The following SBF2 variants were observed in gnomAD, a reference collection of about 807,000 sequenced individuals.
SBF2 encodes the protein myotubularin-related protein 13.
In SBF2, 112 loss-of-function variants were observed where a neutral mutation model predicts 225.2. The observed-to-expected ratio is 0.50, with a 90% CI of 0.43 to 0.58. SBF2 has a LOEUF of 0.58. Ranked by LOEUF, SBF2 falls within the 20% of genes least tolerant of loss-of-function variation. The pLI, the probability that SBF2 is intolerant of heterozygous loss-of-function variation, is 0.00. For missense variants in SBF2, 1,996 were observed against 2,206.2 expected (o/e 0.90, Z 1.91); for synonymous variants, 763 against 773.3 (o/e 0.99, Z 0.22).
chr11:9,976,624 A>C (rs1946694492), intron 13 of SBF2, among the ~76,000 whole-genome samples: 1 of 152,168 alleles, frequency 6.6e-6, no homozygotes, highest in Admixed American at 6.5e-5. Context: ...AAAAAGCAAA[A>C]AACAATAAAA....
At chr11:9,845,259 T>C (rs1377308512) in intron 24 of SBF2, among the ~76,000 whole-genome samples, 1 of 152,122 alleles carries the variant, frequency 6.6e-6, no homozygotes, top group African/African-American at 2.4e-5. Context: ...GCTGAAGGGA[T>C]TGGTCAAAAG....
intron 1 of SBF2, among the ~76,000 whole-genome samples, chr11:10,255,544 G>A (rs912565481): frequency 9.2e-5 from 14 of 152,130 alleles, no homozygotes; most frequent in East Asian, 7.7e-4. Flanking sequence ...CCAGATATTC[G>A]TTTTACATAA....
At chr11:10,146,925 A>G (rs1250739961) in intron 2 of SBF2, among the ~76,000 whole-genome samples, 2 of 152,170 alleles carry the variant, frequency 1.3e-5, no homozygotes, top group Non-Finnish European at 2.9e-5. Context: ...ATTTTTCAAA[A>G]GAAGACATGC....
intron 2 of SBF2, among the ~76,000 whole-genome samples, chr11:10,178,509 C>T (rs1956573185): frequency 6.7e-6 from 1 of 149,640 alleles, no homozygotes. Flanking sequence ...AAAAAACAAA[C>T]AATCCCATCA....
At chr11:10,104,913 A>T (rs1196166199) in intron 2 of SBF2, among the ~76,000 whole-genome samples, 2 of 152,232 alleles carry the variant, frequency 1.3e-5, no homozygotes, top group Non-Finnish European at 2.9e-5. Flanking sequence ...TGAGTATTAA[A>T]CAAGCCTTGC....
chr11:9,863,511 A>C (rs1035606198), intron 17 of SBF2, among the ~76,000 whole-genome samples: 1 of 152,206 alleles, frequency 6.6e-6, no homozygotes, highest in African/African-American at 2.4e-5. Context: ...AGTGTACCTA[A>C]CTAACTGCAC....
rs1266789719 is a variant in SBF2 at position 9,812,575 on chromosome 11, A to C, written c.4112T>G (p.Val1371Gly). 1 of 1,614,244 alleles carries C rather than the reference A, an allele frequency of 6.2e-7. No homozygotes were observed. The part of the protein sequence containing the change: ...IPSTIPTDSE[V>G]TFLKALGDSE... ...ATCTCCCAGCGCTTTCAGGAAGGTC[A>C]CTTCTGAGTCAGTAGGGATGGTGCT... Residue 1371 changes from valine (V) to glycine (G), a missense_variant, in exon 30 of 40, where the codon GTG becomes GGG. Physicochemically the swap from Val to Gly is moderately radical, Grantham distance 109. Coordinates refer to ENST00000256190, the MANE Select transcript of SBF2 (RefSeq NM_030962.4).
At chr11:9,982,616 A>T (rs1947006946) in intron 13 of SBF2, among the ~76,000 whole-genome samples, 1 of 152,222 alleles carries the variant, frequency 6.6e-6, no homozygotes, top group Non-Finnish European at 1.5e-5. Flanking sequence ...CTCCAGACAG[A>T]GAAGCATGTG....
intron 2 of SBF2, among the ~76,000 whole-genome samples, chr11:10,192,948 G>A (rs896557196): frequency 6.6e-6 from 1 of 152,098 alleles, no homozygotes; most frequent in Non-Finnish European, 1.5e-5. Context: ...CACCTTTCTA[G>A]TCCCTCAGTT....
intron 16 of SBF2, among the ~76,000 whole-genome samples, chr11:9,905,336 T>G (rs542569863): frequency 1.3e-5 from 2 of 152,264 alleles, no homozygotes; most frequent in Non-Finnish European, 2.9e-5. Flanking sequence ...ATGAGTGATA[T>G]GCCTTTTTGA....
At chr11:10,293,953 G>C in intron 1 of SBF2, 62 bp downstream of exon 1, 2 of 1,085,712 alleles carry the variant, frequency 1.8e-6, no homozygotes, top group Non-Finnish European at 2.3e-6. Flanking sequence ...GCCCCGCGGA[G>C]CCCACTGGAC....
intron 16 of SBF2, among the ~76,000 whole-genome samples, chr11:9,914,783 T>C (rs919422448): frequency 6.6e-6 from 1 of 151,702 alleles, no homozygotes; most frequent in Non-Finnish European, 1.5e-5. Flanking sequence ...ATTGGCAAAA[T>C]ATAAATCTGT....
At chr11:9,949,028 C>G (rs1865711765) in intron 16 of SBF2, among the ~76,000 whole-genome samples, 1 of 151,916 alleles carries the variant, frequency 6.6e-6, no homozygotes, top group Non-Finnish European at 1.5e-5. Flanking sequence ...CTCCCTGAGC[C>G]TGTTTAATGG....
chr11:9,809,064 G>T, intron 30 of SBF2, 62 bp from the exon 31 acceptor site: 1 of 1,287,098 alleles, frequency 7.8e-7, no homozygotes, highest in Non-Finnish European at 1.1e-6. Context: ...AAGTCAGAGA[G>T]AGTTGCTTTC....
At chr11:10,167,751 C>A (rs1432828624) in intron 2 of SBF2, among the ~76,000 whole-genome samples, 4 of 152,232 alleles carry the variant, frequency 2.6e-5, no homozygotes, top group Non-Finnish European at 2.9e-5. Flanking sequence ...AGCACGGTGG[C>A]TCATGCCTGT....
intron 14 of SBF2, among the ~76,000 whole-genome samples, chr11:9,964,944 C>A (rs1241332382): frequency 6.6e-6 from 1 of 152,038 alleles, no homozygotes; most frequent in Admixed American, 6.6e-5. Context: ...GTGGTGAAGT[C>A]TGGGCTTTTA....
chr11:9,976,904 G>T (rs1171757035), intron 13 of SBF2, among the ~76,000 whole-genome samples: 1 of 151,818 alleles, frequency 6.6e-6, no homozygotes, highest in East Asian at 2.0e-4. Flanking sequence ...CGAGTAGCTG[G>T]GACTACACGC....
At chr11:10,214,655 C>G (rs998124516) in intron 1 of SBF2, among the ~76,000 whole-genome samples, 3 of 151,968 alleles carry the variant, frequency 2.0e-5, no homozygotes, top group African/African-American at 7.3e-5. Context: ...CAAAAACAGC[C>G]AGTCCTCTCA....
Position 10,290,602 on chromosome 11 carries a change from T to G in SBF2, c.55+3413A>C, listed in dbSNP as rs544752135. On this transcript the variant is annotated intron_variant, in intron 1 of 39. Coordinates refer to ENST00000256190, the MANE Select transcript of SBF2 (RefSeq NM_030962.4). ...CAGCAGGGAGAGGAGTAGATGGTAGTGAAGATGGGAGACTGAACAATAAGT... is the reference window on the plus strand; with the variant it reads ...CAGCAGGGAGAGGAGTAGATGGTAGGGAAGATGGGAGACTGAACAATAAGT... Among the ~76,000 whole-genome samples the G allele has an allele frequency of 2.6e-5, 4 of 152,026 alleles. No individual in the cohort carries two copies. The East Asian group carries it at 7.7e-4, about 29-fold the overall frequency.
Sources: allele counts gnomAD v4.1 joint callset (sites outside exome capture counted in the v4.1 genomes callset), GRCh38; gene constraint gnomAD v4.1.1; transcripts MANE v1.5; gene names NCBI Gene and HGNC (gene_info 2026-07-23, HGNC 2026-07-21).